Variants in GALNT9 observed in about 807,000 individuals in gnomAD.
GALNT9 encodes polypeptide N-acetylgalactosaminyltransferase 9.
A neutral mutation model predicts 63.1 loss-of-function variants in GALNT9; 47 were observed. The observed-to-expected ratio is 0.75, with a 90% CI of 0.59 to 0.95. GALNT9 has a LOEUF of 0.95. Among genes scored for constraint, GALNT9 ranks in the 40% least tolerant of loss-of-function variants. The pLI, the probability that GALNT9 is intolerant of heterozygous loss-of-function variation, is 0.00. For synonymous variants in GALNT9, 396 were observed against 365.7 expected (o/e 1.08, Z -0.94); for missense variants, 829 against 874.8 (o/e 0.95, Z 0.66).
At chr12:132,274,900 CCACACACA>C (rs1880019723) in intron 2 of GALNT9, 1 of 152,488 alleles carries the variant, frequency 6.6e-6, no homozygotes, top group South Asian at 2.1e-4. Context: ...ACAGGATACA[CCACACACA>C]CGCACACACG....
intron 1 of GALNT9, among the ~76,000 whole-genome samples, chr12:132,325,783 A>G (rs542491616): frequency 6.6e-6 from 1 of 152,360 alleles, no homozygotes; most frequent in African/African-American, 2.4e-5. Context: ...AATTTTAGAA[A>G]CAACCTCCCT....
intron 6 of GALNT9, among the ~76,000 whole-genome samples, chr12:132,216,107 TAC>T (rs1342849119): frequency 2.1e-5 from 3 of 145,078 alleles, no homozygotes; most frequent in Admixed American, 1.6e-4. Context: ...GACAGAAAGA[TAC>T]AGAGACACAG....
chr12:132,309,952 C>T lies in GALNT9; in HGVS notation c.238+19014G>A, dbSNP rs149485588. Among the ~76,000 whole-genome samples, 510 of 152,376 alleles carry T rather than the reference C, an allele frequency of 3.3e-3. 4 individuals carry two copies. Among genetic ancestry groups the T allele is most frequent in the Middle Eastern group, 6.8e-3 (2 of 294 alleles). The stretch of plus-strand genomic sequence containing the variant: ...GGCGCAGGTGAAACCCCGGCCTCCC[C>T]GGGTGACCTCGCCGCTGAGGGTGGC... On this transcript the variant is annotated intron_variant, in intron 1 of 10. Coordinates refer to ENST00000328957, the MANE Select transcript of GALNT9 (RefSeq NM_001122636.2).
rs1440900703 is a variant in GALNT9 at position 132,245,212 on chromosome 12, C to T, written c.1077+2698G>A. On this transcript the variant is annotated intron_variant, in intron 6 of 10. Coordinates refer to ENST00000328957, the MANE Select transcript of GALNT9 (RefSeq NM_001122636.2). This position sits in a 1 kb window ranked among gnomAD's most constrained non-coding sequence, Gnocchi z 6.3. ...ATCCCAGCACTGTGGGAGGCAGAGG[C>T]GGGCAGATCACCTGAGCTCAGGAGT... Among the ~76,000 whole-genome samples, 1 of 151,996 alleles carries T rather than the reference C, an allele frequency of 6.6e-6. No individual in the cohort carries two copies. The highest frequency in any genetic ancestry group is 1.9e-4 in the East Asian group (1 of 5,180).
At chr12:132,241,131 CAGGGG>C in intron 6 of GALNT9, among the ~76,000 whole-genome samples, 2 of 128,930 alleles carry the variant, frequency 1.6e-5, no homozygotes, top group Non-Finnish European at 3.3e-5. Context: ...CACACCCTTC[CAGGGG>C]CCCTCCCTAT....
chr12:132,253,105 T>A (rs912229716), intron 5 of GALNT9, among the ~76,000 whole-genome samples: 2 of 152,196 alleles, frequency 1.3e-5, no homozygotes, highest in Admixed American at 6.5e-5. Context: ...TATGCACTTA[T>A]AAGAAAGATC....
intron 10 of GALNT9, among the ~76,000 whole-genome samples, chr12:132,197,587 C>T (rs1875612305): frequency 6.7e-6 from 1 of 148,886 alleles, no homozygotes; most frequent in Admixed American, 6.6e-5. Flanking sequence ...CCCTCTCTGG[C>T]TGTGTGACCC....
At position 132,197,066 on chromosome 12, in the gene GALNT9, G is replaced by C. The variant is rs1875555011; in HGVS notation, c.*41C>G. ...CACTCAGCCACACTGGCTCGGCCCA[G>C]CGCCTTCCCGAGGTCTGTGGGGGTC... is the stretch of plus-strand genomic sequence containing the variant. On this transcript the variant is annotated 3_prime_UTR_variant, in exon 11 of 11. Coordinates refer to ENST00000328957, the MANE Select transcript of GALNT9 (RefSeq NM_001122636.2). 1 of 1,608,998 alleles carries C rather than the reference G, an allele frequency of 6.2e-7. No individual in the cohort carries two copies. Among genetic ancestry groups the C allele is most frequent in the African/African-American group, 1.3e-5 (1 of 74,894 alleles).
At chr12:132,248,979 C>T (rs1422083942) in intron 5 of GALNT9, among the ~76,000 whole-genome samples, 2 of 152,214 alleles carry the variant, frequency 1.3e-5, no homozygotes, top group African/African-American at 2.4e-5. Flanking sequence ...GGAGGATAAG[C>T]TGGTGTGCCA....
rs1868490953 is a variant in GALNT9, at chr12:132,316,002, G to A, written c.238+12964C>T. ...GGTGGTGGGGACGCGGGGTCCTGGAGAGGGCACGGCAGGCAGGCAGCCCCC... is the reference window on the plus strand; with the variant it reads ...GGTGGTGGGGACGCGGGGTCCTGGAAAGGGCACGGCAGGCAGGCAGCCCCC... On this transcript the variant is annotated intron_variant, in intron 1 of 10. Coordinates refer to ENST00000328957, the MANE Select transcript of GALNT9 (RefSeq NM_001122636.2). The surrounding 1 kb of genome is among the most constrained non-coding windows in gnomAD (Gnocchi z 4.3). Among the ~76,000 whole-genome samples the A allele has an allele frequency of 1.3e-5, 2 of 152,212 alleles. No individual in the cohort carries two copies.
In GALNT9 at chr12:132,310,963, C is replaced by T. The variant is rs377092580; in HGVS notation, c.238+18003G>A. 1.0e-3 allele frequency among the ~76,000 whole-genome samples: 152 copies of T among 152,312 alleles called. 1 individual carries two copies. In the East Asian group the frequency reaches 0.012, roughly 12 times the overall value. Reference sequence around the variant, plus strand: ...GCACCCGCTCTCCCTGGGCATGTGGCGCTGGCAGCCCAAGACAGGGACTCG... The same window carrying T: ...GCACCCGCTCTCCCTGGGCATGTGGTGCTGGCAGCCCAAGACAGGGACTCG... On this transcript the variant is annotated intron_variant, in intron 1 of 10. Coordinates refer to ENST00000328957, the MANE Select transcript of GALNT9 (RefSeq NM_001122636.2). This position sits in a 1 kb window ranked among gnomAD's most constrained non-coding sequence, Gnocchi z 4.8.
In GALNT9 at chr12:132,226,874, CCA is replaced by C. The variant is rs1401808698; in HGVS notation, c.1077+21034_1077+21035del. Among the ~76,000 whole-genome samples, 1,037 of 149,378 alleles carry C rather than the reference CCA, an allele frequency of 6.9e-3. 15 individuals carry two copies. The highest frequency in any genetic ancestry group is 0.024 in the African/African-American group (988 of 40,472). On this transcript the variant is annotated intron_variant, in intron 6 of 10. Coordinates refer to ENST00000328957, the MANE Select transcript of GALNT9 (RefSeq NM_001122636.2). ...ACCCCATACACTGTACATACACACCCCACACACATACACTCCATAAACACGCC... is the reference window on the plus strand; with the variant it reads ...ACCCCATACACTGTACATACACACCCCACACATACACTCCATAAACACGCC...
rs544368103 is a variant in GALNT9 at position 132,200,884 on chromosome 12, G to C, written c.1401+240C>G. 3 of 530,062 alleles carry C rather than the reference G, an allele frequency of 5.7e-6. No homozygotes were observed. The East Asian group carries it at 9.8e-5, about 17-fold the overall frequency. The allele number at this position is 530,062 out of a possible 1,614,324, so 32.8% of individuals were successfully genotyped here. A position where few individuals can be genotyped will look rare whatever the true frequency, so the allele number is the denominator to read the frequency against. On this transcript the variant is annotated intron_variant, in intron 8 of 10. Coordinates refer to ENST00000328957, the MANE Select transcript of GALNT9 (RefSeq NM_001122636.2). ...TATGGACATGTGGGTCTGCAGGTGC[G>C]TGTGTTTATGTGAACCTGCACCTTG...
chr12:132,227,366 AGCTCCCCGACCCT>A (rs1235891718), intron 6 of GALNT9, among the ~76,000 whole-genome samples: 1 of 151,952 alleles, frequency 6.6e-6, no homozygotes, highest in Non-Finnish European at 1.5e-5. Context: ...TCCCCGGCCC[AGCTCCCCGACCCT>A]GCTGGCCGCA....
rs1486899863 is a variant in GALNT9 at position 132,240,735 on chromosome 12, A to G, written c.1077+7175T>C. The G allele has an allele frequency of 6.6e-6, 3 of 455,832 alleles. No individual in the cohort carries two copies. In the East Asian group the frequency reaches 2.1e-4, roughly 32 times the overall value. The allele number at this position is 455,832 out of a possible 1,614,324, so 28.2% of individuals were successfully genotyped here. A position where few individuals can be genotyped will look rare whatever the true frequency, so the allele number is the denominator to read the frequency against. The stretch of plus-strand genomic sequence containing the variant: ...GCTGGAACCCTTCTGTTTCCTGGGA[A>G]GTTACCAGAACCTGATCACCAGCAG... On this transcript the variant is annotated intron_variant, in intron 6 of 10. Transcript: ENST00000328957.
chr12:132,268,379 C>G (rs191875618), intron 2 of GALNT9, among the ~76,000 whole-genome samples: 1 of 152,184 alleles, frequency 6.6e-6, no homozygotes, highest in Non-Finnish European at 1.5e-5. Context: ...TACCTTCCAC[C>G]ACATACAAAA....
chr12:132,257,703 C>T lies in GALNT9; in HGVS notation c.945G>A (p.Glu315=), dbSNP rs1555239236. 3.2e-6 allele frequency: 5 copies of T among 1,549,464 alleles called. No homozygotes were observed. Among genetic ancestry groups the T allele is most frequent in the African/African-American group, 1.4e-5 (1 of 72,988 alleles). The change falls in exon 5 of 11, where the codon GAG becomes GAA. Residue 315 remains glutamate, a synonymous_variant. Transcript: ENST00000328957. The part of the protein sequence containing the change: ...PPQDWLDRGD[E]SAPIRTPAMI... ...GCGCAGCTCACCTGATGGGTGCTGA[C>T]TCGTCGCCGCGGTCCAGCCAGTCCT...
Position 132,254,092 on chromosome 12 carries a change from G to C in GALNT9, c.959+3597C>G, listed in dbSNP as rs1165535681. Among the ~76,000 whole-genome samples the C allele has an allele frequency of 2.6e-5, 4 of 151,508 alleles. No individual in the cohort carries two copies. In the East Asian group the frequency reaches 7.8e-4, roughly 29 times the overall value. ...GCTGGAGTGCAATGGCACCATCTCA[G>C]CTCACTATAACCTCTGCCTCCTCTG... On this transcript the variant is annotated intron_variant, in intron 5 of 10. Transcript: ENST00000328957.
intron 1 of GALNT9, among the ~76,000 whole-genome samples, chr12:132,300,251 A>G (rs2135573855): frequency 7.1e-6 from 1 of 140,236 alleles, no homozygotes; most frequent in South Asian, 2.4e-4. Context: ...ACCCACTCCC[A>G]TGATAACTAA....
Sources: gnomAD v4.1 joint callset for allele counts (sites outside exome capture counted in the v4.1 genomes callset) on GRCh38, gnomAD v4.1.1 for gene constraint, Gnocchi (gnomAD v3.1) non-coding constraint, MANE v1.5 for transcripts, NCBI Gene and HGNC (gene_info 2026-07-23, HGNC 2026-07-21) for gene names.